Variants in CLVS1 observed in about 807,000 individuals in gnomAD.
CLVS1 encodes the protein clavesin 1, also known as clavesin-1.
CLVS1 carries 10 observed loss-of-function variants against 33.1 expected under a neutral mutation model. That is an observed-to-expected ratio of 0.30 (90% confidence interval 0.19 to 0.51). CLVS1 has a LOEUF of 0.51. Ranked by LOEUF, CLVS1 falls within the 20% of genes least tolerant of loss-of-function variation. The pLI is 0.97. For missense variants in CLVS1, 343 were observed against 433.4 expected, an observed-to-expected ratio of 0.79 and a Z score of 1.85; for synonymous variants, 163 against 166.1, an observed-to-expected ratio of 0.98 and a Z score of 0.14.
intron 2 of CLVS1, among the ~76,000 whole-genome samples, chr8:61,193,376 G>A (rs879542043): frequency 8.5e-5 from 13 of 152,050 alleles, no homozygotes; most frequent in Non-Finnish European, 1.8e-4. Context: ...GTCGTAGGGC[G>A]GGGAGAGGGG....
chr8:60,999,894 G>T, the CLVS1 span, among the ~76,000 whole-genome samples: 1 of 152,186 alleles, frequency 6.6e-6, no homozygotes, highest in Non-Finnish European at 1.5e-5. Flanking sequence ...GAAACGACTG[G>T]GTGAAAGCGG....
intron 1 of CLVS1, among the ~76,000 whole-genome samples, chr8:61,107,648 G>C (rs754510156): frequency 6.6e-6 from 1 of 152,224 alleles, no homozygotes; most frequent in East Asian, 1.9e-4. Flanking sequence ...CCATAGCAAG[G>C]ACTAACCTGG....
At chr8:61,135,260 G>A (rs1357258569) in intron 2 of CLVS1, among the ~76,000 whole-genome samples, 1 of 152,056 alleles carries the variant, frequency 6.6e-6, no homozygotes, top group Non-Finnish European at 1.5e-5. Flanking sequence ...GGCTTGGCAA[G>A]ACCTGTTGTT....
the CLVS1 span, among the ~76,000 whole-genome samples, chr8:61,039,699 CCTGT>C: frequency 0.11 from 17,236 of 151,962 alleles, 1,467 homozygotes; most frequent in African/African-American, 0.24. Flanking sequence ...CACCACCACG[CCTGT>C]CTAATTTTTT....
intron 2 of CLVS1, among the ~76,000 whole-genome samples, chr8:61,143,654 T>A (rs559559099): frequency 6.6e-6 from 1 of 152,084 alleles, no homozygotes; most frequent in East Asian, 1.9e-4. Context: ...GTGTACTGTC[T>A]ATTCTGCACC....
chr8:61,372,711 C>T (rs887574343), intron 2 of CLVS1, among the ~76,000 whole-genome samples: 1 of 152,006 alleles, frequency 6.6e-6, no homozygotes, highest in Admixed American at 6.6e-5. Context: ...GACAGTTTCT[C>T]AGACTTTCAT....
At chr8:61,424,850 G>A (rs1232392940) in intron 3 of CLVS1, among the ~76,000 whole-genome samples, 1 of 152,128 alleles carries the variant, frequency 6.6e-6, no homozygotes, top group Admixed American at 6.5e-5. Flanking sequence ...GAATCTTGAA[G>A]ATTACATCCC....
At chr8:61,132,206 T>A (rs372489009) in intron 2 of CLVS1, among the ~76,000 whole-genome samples, 2 of 152,222 alleles carry the variant, frequency 1.3e-5, no homozygotes, top group African/African-American at 4.8e-5. Flanking sequence ...AACTTTAAGC[T>A]CAACCCTAAA....
chr8:61,333,572 C>T (rs947994081), intron 2 of CLVS1, among the ~76,000 whole-genome samples: 1 of 152,102 alleles, frequency 6.6e-6, no homozygotes, highest in Non-Finnish European at 1.5e-5. Flanking sequence ...AACTAAAAAC[C>T]AATCTGGATT....
At chr8:61,413,767 C>T (rs1473768155) in intron 3 of CLVS1, among the ~76,000 whole-genome samples, 1 of 152,198 alleles carries the variant, frequency 6.6e-6, no homozygotes, top group Non-Finnish European at 1.5e-5. Context: ...GGGTTGGCTA[C>T]TCCCAGATTC....
intron 5 of CLVS1, among the ~76,000 whole-genome samples, chr8:61,478,915 C>G (rs981829229): frequency 1.3e-5 from 2 of 152,222 alleles, no homozygotes; most frequent in Non-Finnish European, 1.5e-5. Context: ...GGCCCCCACT[C>G]TCTTCTGGCT....
chr8:61,108,496 T>C (rs1270486435), intron 1 of CLVS1, among the ~76,000 whole-genome samples: 2 of 152,170 alleles, frequency 1.3e-5, no homozygotes. Context: ...TCTATATGTA[T>C]ATACACCCTG....
chr8:61,051,241 C>T, the CLVS1 span, among the ~76,000 whole-genome samples: 1 of 152,236 alleles, frequency 6.6e-6, no homozygotes, highest in African/African-American at 2.4e-5. Flanking sequence ...TGAGCATCTA[C>T]CCTGCATGGC....
At chr8:61,215,681 A>AGTGT (rs1808067226) in intron 2 of CLVS1, among the ~76,000 whole-genome samples, 1 of 98,808 alleles carries the variant, frequency 1.0e-5, no homozygotes. Flanking sequence ...TGAAATTGAA[A>AGTGT]ATGTGTGTGT....
chr8:61,392,104 T>C (rs1188356900), intron 3 of CLVS1, among the ~76,000 whole-genome samples: 1 of 152,120 alleles, frequency 6.6e-6, no homozygotes, highest in Non-Finnish European at 1.5e-5. Context: ...TGAGCGTAAA[T>C]CTAATATTCA....
intron 1 of CLVS1, among the ~76,000 whole-genome samples, chr8:61,068,199 G>GTATA (rs377090795): frequency 0.019 from 1,827 of 97,694 alleles, 55 homozygotes; most frequent in African/African-American, 0.074. Context: ...ATGTGTATAT[G>GTATA]TATATATATA....
intron 3 of CLVS1, among the ~76,000 whole-genome samples, chr8:61,408,939 T>A (rs1475320784): frequency 2.6e-5 from 4 of 152,142 alleles, no homozygotes; most frequent in Non-Finnish European, 4.4e-5. Context: ...ACAGAACACC[T>A]CAAATCCTCA....
rs1807767295 is a variant in CLVS1, at chr8:61,202,929, T to A, written c.-152+71069T>A. 15 of 1,332,428 alleles carry A rather than the reference T, an allele frequency of 1.1e-5. No homozygotes were observed. In the Admixed American group the frequency reaches 1.9e-4, roughly 16 times the overall value. 82.5% of individuals were successfully genotyped at this position (1,332,428 alleles called of 1,614,324 possible). ...AAGAAAAAGTGCCAGTGAAGCAATC[T>A]ATACAAGATACTCCAGCCAAAAATG... On this transcript the variant is annotated intron_variant, in intron 2 of 2. Transcript: ENST00000522621.
intron 2 of CLVS1, among the ~76,000 whole-genome samples, chr8:61,305,748 C>A (rs1810601807): frequency 1.3e-5 from 2 of 152,052 alleles, no homozygotes; most frequent in African/African-American, 4.8e-5. Flanking sequence ...TTATTGTTCC[C>A]CTTTATGTGT....
Sources: gnomAD v4.1 joint callset for allele counts (sites outside exome capture counted in the v4.1 genomes callset) on GRCh38, gnomAD v4.1.1 for gene constraint, MANE v1.5 for transcripts, NCBI Gene and HGNC (gene_info 2026-07-23, HGNC 2026-07-21) for gene names.